FTO: variants seen among roughly 807,000 people sequenced by gnomAD.
The protein encoded by FTO is alpha-ketoglutarate-dependent dioxygenase FTO.
FTO carries 47 observed loss-of-function variants against 63.9 expected under a neutral mutation model. The observed-to-expected ratio is 0.74, with a 90% CI of 0.58 to 0.94. The LOEUF (loss-of-function observed/expected upper bound fraction) is 0.94. FTO is among the 40% of genes least tolerant of loss of function. FTO has a pLI of 0.00. For synonymous variants in FTO, 207 were observed against 224.4 expected, an observed-to-expected ratio of 0.92 and a Z score of 0.69; for missense variants, 562 against 618.1, an observed-to-expected ratio of 0.91 and a Z score of 0.96.
intron 8 of FTO, chr16:53,979,534 G>GCT (rs2083495746): frequency 2.8e-6 from 1 of 351,496 alleles, no homozygotes; most frequent in African/African-American, 2.5e-5. Context: ...TATGTTTATG[G>GCT]CTGTGTGTGT....
intron 8 of FTO, among the ~76,000 whole-genome samples, chr16:54,033,355 G>A (rs2084873200): frequency 6.6e-6 from 1 of 152,142 alleles, no homozygotes; most frequent in Non-Finnish European, 1.5e-5. Flanking sequence ...TGTGGGGCTG[G>A]GAAGTCTCTG....
chr16:53,783,149 G>C (rs1326676349), intron 1 of FTO, among the ~76,000 whole-genome samples: 1 of 152,126 alleles, frequency 6.6e-6, no homozygotes, highest in Admixed American at 6.5e-5. Context: ...ACAGAATCAA[G>C]AGCAGCAGAC....
intron 1 of FTO, among the ~76,000 whole-genome samples, chr16:53,716,429 G>A (rs1470780748): frequency 6.6e-6 from 1 of 152,206 alleles, no homozygotes; most frequent in East Asian, 1.9e-4. Context: ...TAAGAACGTG[G>A]AATCCTTTAG....
intron 7 of FTO, among the ~76,000 whole-genome samples, chr16:53,919,935 G>T (rs1034207833): frequency 6.6e-6 from 1 of 152,028 alleles, no homozygotes; most frequent in Admixed American, 6.5e-5. Flanking sequence ...CACCACTAAA[G>T]AATTTATTCA....
intron 4 of FTO, among the ~76,000 whole-genome samples, chr16:53,861,139 G>A (rs1319203808): frequency 6.6e-6 from 1 of 152,054 alleles, no homozygotes; most frequent in East Asian, 1.9e-4. Context: ...GAACATCTTT[G>A]TACATATATC....
At chr16:53,860,705 A>G (rs1567370882) in intron 4 of FTO, among the ~76,000 whole-genome samples, 2 of 152,186 alleles carry the variant, frequency 1.3e-5, no homozygotes, top group Admixed American at 1.3e-4. Flanking sequence ...TAAACCATTC[A>G]TGAGAAACCG....
At chr16:54,033,637 C>T (rs149170383) in intron 8 of FTO, among the ~76,000 whole-genome samples, 4 of 152,048 alleles carry the variant, frequency 2.6e-5, no homozygotes, top group East Asian at 1.9e-4. Flanking sequence ...GGCAATATAA[C>T]GAGACCCTGC....
At chr16:54,072,414 C>T (rs548060041) in intron 8 of FTO, 3 of 152,294 alleles carry the variant, frequency 2.0e-5, no homozygotes, top group East Asian at 3.9e-4. Context: ...GAGTGTCTCG[C>T]GTTCTAATGA....
intron 6 of FTO, among the ~76,000 whole-genome samples, chr16:53,880,783 G>C (rs1210107603): frequency 6.6e-6 from 1 of 151,806 alleles, no homozygotes; most frequent in Admixed American, 6.6e-5. Context: ...CCATTGCCTC[G>C]GATGTTAGGA....
intron 6 of FTO, among the ~76,000 whole-genome samples, chr16:53,888,326 C>G (rs2081052783): frequency 1.2e-5 from 1 of 81,084 alleles, no homozygotes; most frequent in Non-Finnish European, 2.7e-5. Context: ...GCCTCAGCCT[C>G]CCAAGCAGCC....
chr16:53,947,632 C>A (rs1024169389), intron 8 of FTO, among the ~76,000 whole-genome samples: 1 of 152,074 alleles, frequency 6.6e-6, no homozygotes, highest in South Asian at 2.1e-4. Context: ...CGAATGTACT[C>A]GAAAATTGCC....
At chr16:53,810,278 C>G (rs1048016586) in intron 2 of FTO, 61 bp downstream of exon 2, 1 of 1,215,574 alleles carries the variant, frequency 8.2e-7, no homozygotes, top group Non-Finnish European at 1.2e-6. Context: ...CTTATTTTAC[C>G]TATGAGGAAG....
intron 8 of FTO, among the ~76,000 whole-genome samples, chr16:53,982,253 T>C (rs1170474200): frequency 6.6e-6 from 1 of 152,176 alleles, no homozygotes; most frequent in African/African-American, 2.4e-5. Flanking sequence ...GTTGTACCCT[T>C]ACAATAGGGC....
chr16:53,814,146 T>C (rs2078608740), intron 2 of FTO, among the ~76,000 whole-genome samples: 1 of 152,090 alleles, frequency 6.6e-6, no homozygotes, highest in African/African-American at 2.4e-5. Context: ...TTCAGAGAAG[T>C]TTTGCAGTTT....
At chr16:53,800,520 C>T (rs1050417563) in intron 1 of FTO, among the ~76,000 whole-genome samples, 4 of 152,076 alleles carry the variant, frequency 2.6e-5, no homozygotes, top group Non-Finnish European at 5.9e-5. Flanking sequence ...TGGTGTTGTT[C>T]AAATCTCTTA....
At position 53,862,821 on chromosome 16, in the gene FTO, C is replaced by T. The variant is rs145851214; in HGVS notation, c.896-10965C>T. Among the ~76,000 whole-genome samples the T allele has an allele frequency of 6.0e-3, 910 of 152,050 alleles. 11 individuals are homozygous for T. Among genetic ancestry groups the T allele is most frequent in the African/African-American group, 0.02 (832 of 41,502 alleles). Reference sequence around the variant, plus strand: ...TGGACTCCCAAAGTGCTGGGATTACCGGTGTGAGCCACCATGCCCAGCCTG... The same window carrying T: ...TGGACTCCCAAAGTGCTGGGATTACTGGTGTGAGCCACCATGCCCAGCCTG... On this transcript the variant is annotated intron_variant, in intron 4 of 8. Coordinates refer to ENST00000471389, the MANE Select transcript of FTO (RefSeq NM_001080432.3).
At chr16:53,876,150 C>T (rs1027878196) in intron 5 of FTO, among the ~76,000 whole-genome samples, 2 of 152,286 alleles carry the variant, frequency 1.3e-5, no homozygotes, top group Admixed American at 6.5e-5. Flanking sequence ...CAGTTAAAGT[C>T]TCTTTCTCCT....
chr16:54,004,062 T>C (rs2084134792), intron 8 of FTO, among the ~76,000 whole-genome samples: 2 of 152,236 alleles, frequency 1.3e-5, no homozygotes, highest in Admixed American at 1.3e-4. Context: ...TCCAGAGTTT[T>C]TGTTGAAACA....
At chr16:53,956,865 A>C (rs2082943512) in intron 8 of FTO, 1 of 152,002 alleles carries the variant, frequency 6.6e-6, no homozygotes, top group South Asian at 2.1e-4. Context: ...GGGTTTCTCC[A>C]TGTTGGTCAG....
Sources: gnomAD v4.1 joint callset for allele counts (sites outside exome capture counted in the v4.1 genomes callset) on GRCh38, gnomAD v4.1.1 for gene constraint, MANE v1.5 for transcripts, NCBI Gene and HGNC (gene_info 2026-07-23, HGNC 2026-07-21) for gene names.